SDR42E2: variants seen among roughly 807,000 people sequenced by gnomAD.
SDR42E2 encodes short chain dehydrogenase/reductase family 42E, member 2, also known as putative short-chain dehydrogenase/reductase family 42E member 2.
Under a neutral mutation model 10.5 loss-of-function variants are expected in SDR42E2, and 20 were observed. The observed-to-expected ratio is 1.90, with a 90% CI of 1.34 to 2.77. SDR42E2 has a LOEUF of 2.77. SDR42E2 is among the 30% of genes most tolerant of loss of function. The pLI is 0.00. For synonymous variants in SDR42E2, 72 were observed against 39.2 expected (o/e 1.84, Z -3.12); for missense variants, 162 against 104.2 (o/e 1.55, Z -2.42).
chr16:22,171,409 T>A (rs1450097502), intron 6 of SDR42E2, among the ~76,000 whole-genome samples: 1 of 150,852 alleles, frequency 6.6e-6, no homozygotes, highest in Non-Finnish European at 1.5e-5. Context: ...ACCAGCCAAT[T>A]TTTGTATTTT....
rs2046765192 is a variant in SDR42E2, at chr16:22,190,403, G to A, written c.*10G>A. On this transcript the variant is annotated 3_prime_UTR_variant, in exon 13 of 13. Transcript: ENST00000602312. ...CGTGGAGCGCCTGTGACCGTCCGCC[G>A]TCCGCCGCCCGCTAGGGTCGGCCCC... 4 of 401,282 alleles carry A rather than the reference G, an allele frequency of 1.0e-5. No individual in the cohort carries two copies. The highest frequency in any genetic ancestry group is 1.1e-4 in the South Asian group (1 of 8,788). The allele number at this position is 401,282 out of a possible 1,614,324, so 24.9% of individuals were successfully genotyped here.
chr16:22,167,171 T>G (rs8060335), intron 4 of SDR42E2, among the ~76,000 whole-genome samples, 172 bp downstream of exon 4: 18,340 of 69,422 alleles, frequency 0.26, 1,564 homozygotes, highest in East Asian at 0.57. Flanking sequence ...TGCCATTTTT[T>G]TTTTTTTTTT....
intron 11 of SDR42E2, among the ~76,000 whole-genome samples, chr16:22,186,367 C>T (rs140382689): frequency 0.018 from 2,754 of 152,160 alleles, 85 homozygotes; most frequent in African/African-American, 0.062. Context: ...CCACCACGCC[C>T]GGCTAATTTT....
At chr16:22,177,080 G>A (rs1046926488) in intron 7 of SDR42E2, among the ~76,000 whole-genome samples, 2 of 152,170 alleles carry the variant, frequency 1.3e-5, no homozygotes, top group Non-Finnish European at 2.9e-5. Context: ...TAGTGGAAAC[G>A]GTGTGGACTT....
intron 7 of SDR42E2, among the ~76,000 whole-genome samples, chr16:22,175,178 G>GAA (rs2046634048): frequency 6.6e-6 from 1 of 152,024 alleles, no homozygotes; most frequent in East Asian, 1.9e-4. Context: ...AATAGAAATG[G>GAA]GCCGGGCATG....
intron 1 of SDR42E2, among the ~76,000 whole-genome samples, chr16:22,164,984 G>A (rs2046523229): frequency 6.6e-6 from 1 of 152,206 alleles, no homozygotes; most frequent in Non-Finnish European, 1.5e-5. Flanking sequence ...TACACAGCGT[G>A]ACTTTGGGCC....
At chr16:22,165,085 T>C (rs1463659180) in intron 1 of SDR42E2, among the ~76,000 whole-genome samples, 1 of 151,750 alleles carries the variant, frequency 6.6e-6, no homozygotes, top group African/African-American at 2.4e-5. Context: ...TTTTTGTTTG[T>C]TTGTTTGTTT....
chr16:22,165,294 G>T (rs562262251), intron 1 of SDR42E2, among the ~76,000 whole-genome samples: 3 of 152,094 alleles, frequency 2.0e-5, no homozygotes, highest in Non-Finnish European at 4.4e-5. Flanking sequence ...CACCATGTTG[G>T]CCATGCTGAT....
chr16:22,182,105 C>G, intron 9 of SDR42E2, 107 bp from the exon 10 acceptor site: 2 of 411,346 alleles, frequency 4.9e-6, no homozygotes, highest in Non-Finnish European at 8.6e-6. Context: ...GGTATTGGAG[C>G]TGCTCCAGAG....
chr16:22,182,121 A>G, intron 9 of SDR42E2, 91 bp from the exon 10 acceptor site: 1 of 407,478 alleles, frequency 2.5e-6, no homozygotes, highest in East Asian at 3.5e-5. Flanking sequence ...CAGAGAACTC[A>G]GGGTTGGAGC....
In SDR42E2 at chr16:22,163,370, A is replaced by G. The variant is rs1489447745; in HGVS notation, c.-37+806A>G. Reference sequence around the variant, plus strand: ...GCATCCTCTCCTCTCCCTCTCGGGGATTTAGGCCCCTGCTCATGATGGTTT... The same window carrying G: ...GCATCCTCTCCTCTCCCTCTCGGGGGTTTAGGCCCCTGCTCATGATGGTTT... On this transcript the variant is annotated intron_variant, in intron 1 of 12. Transcript: ENST00000602312. Among the ~76,000 whole-genome samples, 3 of 151,876 alleles carry G rather than the reference A, an allele frequency of 2.0e-5. No individual in the cohort carries two copies. The East Asian group carries it at 5.8e-4, about 29-fold the overall frequency.
At position 22,168,214 on chromosome 16, in the gene SDR42E2, G is replaced by A. The variant is rs758729143; in HGVS notation, c.336+1215G>A. 5.9e-5 allele frequency among the ~76,000 whole-genome samples: 9 copies of A among 151,894 alleles called. No individual in the cohort carries two copies. The South Asian group carries it at 6.2e-4, about 11-fold the overall frequency. ...GTTCGAGACCAGCCTGGGCAACATA[G>A]TGAGACCCCTATCTCTATTTAAAAA... On this transcript the variant is annotated intron_variant, in intron 4 of 12. Transcript: ENST00000602312.
intron 7 of SDR42E2, among the ~76,000 whole-genome samples, chr16:22,174,809 T>C (rs1285205709): frequency 6.6e-6 from 1 of 152,020 alleles, no homozygotes; most frequent in Non-Finnish European, 1.5e-5. Flanking sequence ...GAAGTAGCTG[T>C]TCAATGCCCC....
chr16:22,178,965 T>A (rs146323565), intron 8 of SDR42E2, among the ~76,000 whole-genome samples: 1 of 152,182 alleles, frequency 6.6e-6, no homozygotes, highest in Non-Finnish European at 1.5e-5. Flanking sequence ...AGTTCCAGTC[T>A]GCAGTTTCAG....
chr16:22,186,449 C>T (rs909285006), intron 11 of SDR42E2, among the ~76,000 whole-genome samples: 6 of 152,062 alleles, frequency 3.9e-5, no homozygotes, highest in African/African-American at 4.8e-5. Flanking sequence ...TCAGGCAATC[C>T]GCCCGCCTCA....
chr16:22,167,137 A>C, intron 4 of SDR42E2, 138 bp downstream of exon 4: 1 of 327,800 alleles, frequency 3.1e-6, no homozygotes, highest in Non-Finnish European at 5.4e-6. Flanking sequence ...TGCATCCTGC[A>C]TCCATGACAC....
At chr16:22,170,653 C>T (rs1178147333) in intron 5 of SDR42E2, among the ~76,000 whole-genome samples, 180 bp from the exon 6 acceptor site, 1 of 152,126 alleles carries the variant, frequency 6.6e-6, no homozygotes, top group African/African-American at 2.4e-5. Context: ...AGACTCTTCC[C>T]TCCTGAACAG....
intron 10 of SDR42E2, among the ~76,000 whole-genome samples, chr16:22,183,405 T>C (rs1292542458): frequency 6.6e-6 from 1 of 152,204 alleles, no homozygotes; most frequent in Admixed American, 6.5e-5. Flanking sequence ...GGAGTTTTGC[T>C]TGTGAGCCAC....
rs193107867 is a variant in SDR42E2 at position 22,173,143 on chromosome 16, C to T, written c.589+812C>T. ...GAGTAATAGTAGAAGGCAAATAGTC[C>T]GTATTTCTTGAGTGCACACTACATG... is the stretch of plus-strand genomic sequence containing the variant. On this transcript the variant is annotated intron_variant, in intron 7 of 12. Coordinates refer to ENST00000602312, the MANE Select transcript of SDR42E2 (RefSeq NM_001394319.2). Among the ~76,000 whole-genome samples, 405 of 152,164 alleles carry T rather than the reference C, an allele frequency of 2.7e-3. 3 individuals carry two copies. The highest frequency in any genetic ancestry group is 0.02 in the South Asian group (97 of 4,818).
Sources: gnomAD v4.1 joint callset for allele counts (sites outside exome capture counted in the v4.1 genomes callset) on GRCh38, gnomAD v4.1.1 for gene constraint, MANE v1.5 for transcripts, NCBI Gene and HGNC (gene_info 2026-07-23, HGNC 2026-07-21) for gene names.